Variants in RARB observed in about 807,000 individuals in gnomAD.
RARB encodes retinoic acid receptor beta.
Under a neutral mutation model 51.9 loss-of-function variants are expected in RARB, and 17 were observed. That is an observed-to-expected ratio of 0.33 (90% CI 0.22 to 0.49). The LOEUF is 0.49. RARB is among the 20% of genes least tolerant of loss of function. RARB has a pLI of 0.99. For missense variants in RARB, 369 were observed against 550.8 expected (o/e 0.67, Z 3.30); for synonymous variants, 215 against 195.4 (o/e 1.10, Z -0.84).
intron 2 of RARB, among the ~76,000 whole-genome samples, chr3:24,938,454 T>C (rs1399580208): frequency 6.6e-6 from 1 of 152,180 alleles, no homozygotes; most frequent in East Asian, 1.9e-4. Flanking sequence ...CCAGTAGATA[T>C]TCTGTTTCTC....
chr3:25,479,986 T>G (rs760306257), intron 2 of RARB, among the ~76,000 whole-genome samples: 1 of 152,220 alleles, frequency 6.6e-6, no homozygotes, highest in Non-Finnish European at 1.5e-5. Flanking sequence ...TTGGTTATAT[T>G]TGTTTGGAAG....
At chr3:25,255,777 G>A (rs900195560) in intron 5 of RARB, among the ~76,000 whole-genome samples, 1 of 151,966 alleles carries the variant, frequency 6.6e-6, no homozygotes, top group Non-Finnish European at 1.5e-5. Context: ...CTCCCTTAAT[G>A]TATAATTTTT....
chr3:25,452,271 T>C (rs182864565), intron 1 of RARB, among the ~76,000 whole-genome samples: 2 of 152,364 alleles, frequency 1.3e-5, no homozygotes, highest in Non-Finnish European at 2.9e-5. Flanking sequence ...AATATATTCC[T>C]TGTGGTGAGA....
intron 2 of RARB, among the ~76,000 whole-genome samples, chr3:25,475,108 T>C (rs1695883401): frequency 6.6e-6 from 1 of 152,356 alleles, no homozygotes; most frequent in South Asian, 2.1e-4. Context: ...ACGTGTATGA[T>C]GTTTGCTGTT....
At chr3:24,919,463 A>T (rs1201816683) in intron 2 of RARB, among the ~76,000 whole-genome samples, 3 of 151,296 alleles carry the variant, frequency 2.0e-5, no homozygotes, top group African/African-American at 7.4e-5. Context: ...ACCCTGTTCA[A>T]ATAAGGCAAA....
chr3:25,372,621 A>G (rs1245607895), intron 5 of RARB, among the ~76,000 whole-genome samples: 1 of 152,204 alleles, frequency 6.6e-6, no homozygotes, highest in Non-Finnish European at 1.5e-5. Flanking sequence ...CAGGAGTCTG[A>G]GACCAGCCTA....
chr3:24,905,460 G>T (rs559758543), intron 2 of RARB, among the ~76,000 whole-genome samples: 1 of 152,100 alleles, frequency 6.6e-6, no homozygotes, highest in African/African-American at 2.4e-5. Context: ...ACTGGTGATG[G>T]TACTCATTAT....
intron 3 of RARB, among the ~76,000 whole-genome samples, chr3:25,069,293 T>A (rs1698723877): frequency 6.6e-6 from 1 of 152,152 alleles, no homozygotes; most frequent in Non-Finnish European, 1.5e-5. Flanking sequence ...TCCCACTGAT[T>A]TATTCACTTT....
intron 3 of RARB, among the ~76,000 whole-genome samples, chr3:25,518,969 A>G (rs1218447429): frequency 6.6e-6 from 1 of 152,046 alleles, no homozygotes; most frequent in Non-Finnish European, 1.5e-5. Context: ...AATTAAGGTA[A>G]ACTCTTCCAA....
At chr3:25,321,815 T>G (rs1438203401) in intron 5 of RARB, among the ~76,000 whole-genome samples, 1 of 151,732 alleles carries the variant, frequency 6.6e-6, no homozygotes, top group African/African-American at 2.4e-5. Flanking sequence ...TGTTGTGAAG[T>G]TGTAACTTCT....
chr3:25,574,034 A>G (rs1218063161), intron 4 of RARB, among the ~76,000 whole-genome samples: 1 of 152,188 alleles, frequency 6.6e-6, no homozygotes, highest in Non-Finnish European at 1.5e-5. Flanking sequence ...CTCCGCCGCC[A>G]TAAAAGGAGA....
chr3:25,202,166 G>A (rs571727146), intron 5 of RARB, among the ~76,000 whole-genome samples: 1 of 152,010 alleles, frequency 6.6e-6, no homozygotes, highest in African/African-American at 2.4e-5. Flanking sequence ...GTCTTGGGAG[G>A]GTGTATGTGT....
At chr3:24,980,101 C>T (rs746352551) in intron 2 of RARB, among the ~76,000 whole-genome samples, 72 of 152,290 alleles carry the variant, frequency 4.7e-4, no homozygotes, top group Non-Finnish European at 7.2e-4. Context: ...TTGGCCCCCA[C>T]TCTCGTCTTG....
intron 5 of RARB, among the ~76,000 whole-genome samples, chr3:25,406,041 C>G (rs948410041): frequency 9.9e-5 from 15 of 152,170 alleles, no homozygotes; most frequent in Non-Finnish European, 1.8e-4. Context: ...CTCCCATCTC[C>G]TAACCATAAG....
At chr3:25,181,032 G>C (rs1017898779) in intron 5 of RARB, among the ~76,000 whole-genome samples, 2 of 152,202 alleles carry the variant, frequency 1.3e-5, no homozygotes, top group African/African-American at 4.8e-5. Context: ...AGGTTGCTCA[G>C]TGGTGGGGCT....
At chr3:25,428,215 A>G, upstream of RARB, 1 of 1,228,096 alleles carries the variant, frequency 8.1e-7, no homozygotes, top group African/African-American at 1.6e-5. Flanking sequence ...GGTAGGGTTC[A>G]CCGAAAGTTC....
chr3:25,228,627 T>C (rs1166536488), intron 5 of RARB, among the ~76,000 whole-genome samples: 2 of 152,146 alleles, frequency 1.3e-5, no homozygotes, highest in Non-Finnish European at 2.9e-5. Flanking sequence ...TGAAATTTAC[T>C]GATTGCCTTA....
chr3:25,059,122 G>A (rs150574156), intron 2 of RARB, among the ~76,000 whole-genome samples: 1 of 151,846 alleles, frequency 6.6e-6, no homozygotes, highest in East Asian at 1.9e-4. Context: ...ATTTTGGAGT[G>A]AGAATTTTCC....
At chr3:25,071,912 C>T (rs1698774181) in intron 3 of RARB, among the ~76,000 whole-genome samples, 1 of 152,156 alleles carries the variant, frequency 6.6e-6, no homozygotes, top group Admixed American at 6.5e-5. Flanking sequence ...CTTGAAAGCC[C>T]TCAATGTGAT....
Sources: allele counts gnomAD v4.1 joint callset (sites outside exome capture counted in the v4.1 genomes callset), GRCh38; gene constraint gnomAD v4.1.1; transcripts MANE v1.5; gene names NCBI Gene and HGNC (gene_info 2026-07-23, HGNC 2026-07-21).